The following DENND4A variants were observed in gnomAD, a reference collection of about 807,000 sequenced individuals.
DENND4A encodes C-myc promoter-binding protein.
Under a neutral mutation model 199.3 loss-of-function variants are expected in DENND4A, and 70 were observed. The ratio of observed to expected loss-of-function variants is 0.35; its 90% CI spans 0.29 to 0.43. The LOEUF (loss-of-function observed/expected upper bound fraction) is 0.43, where lower values mean the gene tolerates loss of function less well. DENND4A is among the 20% of genes least tolerant of loss of function. The pLI, the probability that DENND4A is intolerant of heterozygous loss-of-function variation, is 1.00. For synonymous variants in DENND4A, 686 were observed against 766.9 expected, an observed-to-expected ratio of 0.89 and a Z score of 1.74; for missense variants, 1,723 against 2,255.8, an observed-to-expected ratio of 0.76 and a Z score of 4.78.
chr15:65,765,199 T>C (rs1235885405), intron 1 of DENND4A, among the ~76,000 whole-genome samples: 1 of 152,202 alleles, frequency 6.6e-6, no homozygotes, highest in African/African-American at 2.4e-5. Context: ...TGCAAAGTTC[T>C]TCTTCTGCTA....
chr15:65,717,301 G>A (rs188808004), intron 13 of DENND4A, among the ~76,000 whole-genome samples: 8 of 152,194 alleles, frequency 5.3e-5, no homozygotes, highest in Admixed American at 3.9e-4. Flanking sequence ...AAAACCGGTT[G>A]CACTCCAGAA....
At chr15:65,664,229 G>T (rs2075966286) in intron 32 of DENND4A, 101 bp downstream of exon 32, 2 of 708,032 alleles carry the variant, frequency 2.8e-6, no homozygotes, top group Admixed American at 3.2e-5. Context: ...TATAATTACA[G>T]ATTTAATATT....
Position 65,756,171 on chromosome 15 carries a change from C to T in DENND4A, c.280G>A (p.Gly94Arg). The part of the protein sequence containing the change: ...GPQIYLCYRR[G>R]RDKPPLTDLG... ...TCTGTAAGTGGAGGCTTATCTCTTC[C>T]TCTTCTATAGCAAAGGTAAATCTGT... The change falls in exon 3 of 33, where the codon GGA (glycine) becomes AGA (arginine). Residue 94 changes from glycine to arginine, a missense_variant. By Grantham distance (125) the Gly-to-Arg change is moderately radical. This residue lies in a region of DENND4A where 725 missense variants were observed against 952.9 expected (regional missense o/e 0.76). Coordinates refer to ENST00000443035, the MANE Select transcript of DENND4A (RefSeq NM_001320835.1). The T allele has an allele frequency of 6.2e-7, 1 of 1,610,252 alleles. No homozygotes were observed. Among genetic ancestry groups the T allele is most frequent in the Non-Finnish European group, 8.5e-7 (1 of 1,178,052 alleles).
intron 14 of DENND4A, 91 bp from the exon 15 acceptor site, chr15:65,706,315 C>A: frequency 8.3e-7 from 1 of 1,206,072 alleles, no homozygotes; most frequent in Non-Finnish European, 1.1e-6. Flanking sequence ...ACCATCTGCA[C>A]AATGGATACT....
chr15:65,758,150 T>C (rs1248940875), intron 2 of DENND4A, among the ~76,000 whole-genome samples: 1 of 152,078 alleles, frequency 6.6e-6, no homozygotes, highest in African/African-American at 2.4e-5. Context: ...AGAAGTTAAG[T>C]CTCAGCAGAT....
chr15:65,732,745 A>T lies in DENND4A; in HGVS notation c.1107+7T>A. On this transcript the variant is annotated splice_region_variant and intron_variant, in intron 8 of 32. Coordinates refer to ENST00000443035, the MANE Select transcript of DENND4A (RefSeq NM_001320835.1). The stretch of plus-strand genomic sequence containing the variant: ...AGGTCCCCCAATCAAAAACAAAAAA[A>T]CCTTACCTGAACTAAAATCCGTGGT... The T allele has an allele frequency of 6.3e-7, 1 of 1,576,424 alleles. No individual in the cohort carries two copies. The highest frequency in any genetic ancestry group is 2.2e-5 in the East Asian group (1 of 44,634).
rs1354800226 is a variant in DENND4A, at chr15:65,661,426, T to C, written c.*425A>G. The C allele has an allele frequency of 6.5e-6, 1 of 152,844 alleles. No homozygotes were observed. Among genetic ancestry groups the C allele is most frequent in the Non-Finnish European group, 1.5e-5 (1 of 68,520 alleles). 9.5% of individuals were successfully genotyped at this position (152,844 alleles called of 1,614,324 possible). On this transcript the variant is annotated 3_prime_UTR_variant, in exon 33 of 33. Coordinates refer to ENST00000443035, the MANE Select transcript of DENND4A (RefSeq NM_001320835.1). ...TACTATAAACAATTTAAAATATGTA[T>C]AATACAACTTCATGGTCAAAACATT...
At chr15:65,760,172 CT>C (rs1185925106) in intron 2 of DENND4A, among the ~76,000 whole-genome samples, 1 of 152,142 alleles carries the variant, frequency 6.6e-6, no homozygotes, top group African/African-American at 2.4e-5. Flanking sequence ...AAACATCCTC[CT>C]TTTTCCTAGA....
At chr15:65,732,666 C>A in intron 8 of DENND4A, 86 bp downstream of exon 8, 2 of 792,210 alleles carry the variant, frequency 2.5e-6, no homozygotes, top group Non-Finnish European at 4.1e-6. Context: ...TTTTTTTCCT[C>A]ATTCAGAATT....
chr15:65,731,973 A>C (rs895679585), intron 8 of DENND4A, among the ~76,000 whole-genome samples: 2 of 152,080 alleles, frequency 1.3e-5, no homozygotes, highest in Non-Finnish European at 2.9e-5. Context: ...TGAAAGACTA[A>C]ATTATTCATT....
chr15:65,789,574 A>G (rs533188275), intron 1 of DENND4A, among the ~76,000 whole-genome samples: 6 of 152,110 alleles, frequency 3.9e-5, no homozygotes, highest in African/African-American at 1.2e-4. Context: ...TACCTGTGGT[A>G]GGAAAAAGGA....
Position 65,717,919 on chromosome 15 carries a change from G to A in DENND4A, c.1666C>T (p.His556Tyr). 6.2e-7 allele frequency: 1 copy of A among 1,609,512 alleles called. No homozygotes were observed. Among genetic ancestry groups the A allele is most frequent in the Non-Finnish European group, 8.5e-7 (1 of 1,177,648 alleles). The part of the protein sequence containing the change: ...DYDFNSGKRL[H>Y]MIDLEIQEAF... ...TCTTGGATTTCCAAATCTATCATGT[G>A]CAACCTCTTTCCAGAATTAAAATCA... is the stretch of plus-strand genomic sequence containing the variant. The change falls in exon 13 of 33, where the codon CAC becomes TAC. Residue 556 changes from histidine to tyrosine, a missense_variant. Physicochemically the swap from His to Tyr is moderately conservative, Grantham distance 83 (BLOSUM62 2). Coordinates refer to ENST00000443035, the MANE Select transcript of DENND4A (RefSeq NM_001320835.1).
Position 65,691,399 on chromosome 15 carries a change from C to T in DENND4A, c.3195G>A (p.Leu1065=). 3 of 1,613,564 alleles carry T rather than the reference C, an allele frequency of 1.9e-6. No individual in the cohort carries two copies. Among genetic ancestry groups the T allele is most frequent in the Non-Finnish European group, 2.5e-6 (3 of 1,179,698 alleles). The change falls in exon 23 of 33, where the codon TTG becomes TTA. Residue 1065 remains leucine (L), a synonymous_variant. Coordinates refer to ENST00000443035, the MANE Select transcript of DENND4A (RefSeq NM_001320835.1). The stretch of plus-strand genomic sequence containing the variant: ...TATTTCCCCAGACCACTTGCTGCTG[C>T]AAATTAGTTTCATTGTCACTTTTAT... The part of the protein sequence containing the change: ...KRHKSDNETN[L]QQQVVWGNRN...
In DENND4A at chr15:65,729,177, C is replaced by T. The variant is rs1310188709; in HGVS notation, c.1382G>A (p.Ser461Asn). 1 of 1,588,730 alleles carries T rather than the reference C, an allele frequency of 6.3e-7. No homozygotes were observed. Among genetic ancestry groups the T allele is most frequent in the South Asian group, 1.2e-5 (1 of 86,928 alleles). The change falls in exon 11 of 33, where the codon AGT becomes AAT. Residue 461 changes from serine to asparagine, a missense_variant. By Grantham distance (46) the Ser-to-Asn change is conservative (BLOSUM62 1). Coordinates refer to ENST00000443035, the MANE Select transcript of DENND4A (RefSeq NM_001320835.1). ...CCCTACTATGAATGGACATGGTGCA[C>T]TCAAGACATCTGCTAAAGCCAGTGG... ...LCPLALADVL[S>N]APCPFIVGID...
In DENND4A at chr15:65,676,513, C is replaced by A. The variant is rs768141555; in HGVS notation, c.4301G>T (p.Ser1434Ile). Reference sequence around the variant, plus strand: ...AATTCTCTTAGTCCCTGAAGTAGCACTGGTCTCTTGAGAGGAGATAGGTCC... The same window carrying A: ...AATTCTCTTAGTCCCTGAAGTAGCAATGGTCTCTTGAGAGGAGATAGGTCC... ...LEGPISSQET[S>I]ATSGTKRIDL... Residue 1434 changes from serine to isoleucine, a missense_variant, in exon 24 of 33, where the codon AGT becomes ATT. Coordinates refer to ENST00000443035, the MANE Select transcript of DENND4A (RefSeq NM_001320835.1). 1 of 1,613,754 alleles carries A rather than the reference C, an allele frequency of 6.2e-7. No individual in the cohort carries two copies. The highest frequency in any genetic ancestry group is 1.3e-5 in the African/African-American group (1 of 75,032).
intron 4 of DENND4A, among the ~76,000 whole-genome samples, chr15:65,749,266 A>T (rs1047312302): frequency 6.6e-6 from 1 of 152,166 alleles, no homozygotes; most frequent in Non-Finnish European, 1.5e-5. Context: ...CTGCAACCTG[A>T]ATTGGATCTT....
intron 1 of DENND4A, among the ~76,000 whole-genome samples, chr15:65,762,664 GTAATACAAATT>G (rs2076881381): frequency 1.3e-5 from 2 of 152,066 alleles, no homozygotes; most frequent in African/African-American, 4.8e-5. Context: ...AACAAAAAAT[GTAATACAAATT>G]TAACAAAATA....
rs1417813230 is a variant in DENND4A at position 65,729,251 on chromosome 15, G to A, written c.1312-4C>T. ...GCCAGTGGAAAGGGAAAATCATCTT[G>A]GATAAACAAAAGATAGGAGAGAATT... On this transcript the variant is annotated splice_region_variant and splice_polypyrimidine_tract_variant and intron_variant, in intron 10 of 32. Transcript: ENST00000443035. 2 of 1,566,062 alleles carry A rather than the reference G, an allele frequency of 1.3e-6. No individual in the cohort carries two copies. The highest frequency in any genetic ancestry group is 1.4e-5 in the African/African-American group (1 of 73,838).
At chr15:65,725,872 AC>A (rs765844103) in intron 11 of DENND4A, among the ~76,000 whole-genome samples, 9 of 152,102 alleles carry the variant, frequency 5.9e-5, no homozygotes, top group Non-Finnish European at 1.2e-4. Flanking sequence ...GGGAAAAGAA[AC>A]CAAAAATTCC....
Sources: gnomAD v4.1 joint callset for allele counts (sites outside exome capture counted in the v4.1 genomes callset) on GRCh38, gnomAD v4.1.1 for gene constraint, gnomAD v4.1.1 regional missense constraint, MANE v1.5 for transcripts, NCBI Gene and HGNC (gene_info 2026-07-23, HGNC 2026-07-21) for gene names.